Variants in NCAM1 observed in about 807,000 individuals in gnomAD.
NCAM1 encodes the protein neural cell adhesion molecule 1, also known as antigen recognized by monoclonal antibody 5.1H11.
Under a neutral mutation model 109.8 loss-of-function variants are expected in NCAM1, and 14 were observed. That is an observed-to-expected ratio of 0.13 (90% confidence interval 0.08 to 0.20). NCAM1 has a LOEUF of 0.20. Among genes scored for constraint, NCAM1 ranks in the 10% least tolerant of loss-of-function variants. The pLI is 1.00. For missense variants in NCAM1, 774 were observed against 1,109.9 expected (o/e 0.70, Z 4.30); for synonymous variants, 418 against 442.9 (o/e 0.94, Z 0.70).
intron 1 of NCAM1, among the ~76,000 whole-genome samples, chr11:113,030,240 G>A (rs1952674234): frequency 1.3e-5 from 2 of 152,158 alleles, no homozygotes; most frequent in Non-Finnish European, 2.9e-5. Context: ...CACTAAACAA[G>A]TGCTTGTTAT....
intron 1 of NCAM1, among the ~76,000 whole-genome samples, chr11:113,039,290 C>T (rs1350776941): frequency 2.0e-5 from 3 of 152,180 alleles, no homozygotes; most frequent in Non-Finnish European, 2.9e-5. Context: ...TACTCCTTTA[C>T]TTATTAATGT....
rs1477198283 is a variant in NCAM1, at chr11:113,276,581, A to G, written c.*1194A>G. ...ACATCCCCTTTGTGTAGAAAGCCAA[A>G]TAAAATCTATACATACCATTTCCTT... is the stretch of plus-strand genomic sequence containing the variant. On this transcript the variant is annotated 3_prime_UTR_variant, in exon 20 of 20. Coordinates refer to ENST00000316851, the MANE Select transcript of NCAM1 (RefSeq NM_181351.5). 3 of 152,674 alleles carry G rather than the reference A, an allele frequency of 2.0e-5. No individual in the cohort carries two copies. The highest frequency in any genetic ancestry group is 7.2e-5 in the African/African-American group (3 of 41,460). 9.5% of individuals were successfully genotyped at this position (152,674 alleles called of 1,614,324 possible).
At chr11:113,040,001 C>T (rs571187448) in intron 1 of NCAM1, among the ~76,000 whole-genome samples, 13 of 152,062 alleles carry the variant, frequency 8.5e-5, no homozygotes, top group African/African-American at 2.9e-4. Context: ...CTTATCCGGG[C>T]GTGGTGGCAT....
rs117175312 is a variant in NCAM1 at position 113,253,845 on chromosome 11, C to T, written c.1829-2032C>T. 9.0e-3 allele frequency among the ~76,000 whole-genome samples: 1,376 copies of T among 152,304 alleles called. 21 individuals are homozygous for T. The highest frequency in any genetic ancestry group is 0.011 in the Non-Finnish European group (744 of 68,026). On this transcript the variant is annotated intron_variant, in intron 15 of 19. Coordinates refer to ENST00000316851, the MANE Select transcript of NCAM1 (RefSeq NM_181351.5). ...AAAGTTAAAATAATTTGTTCATTTG[C>T]AGTAGGTCTAGGGTCATCAACCATT... is the stretch of plus-strand genomic sequence containing the variant.
At chr11:113,068,035 C>T (rs1321268171) in intron 1 of NCAM1, among the ~76,000 whole-genome samples, 3 of 151,872 alleles carry the variant, frequency 2.0e-5, no homozygotes, top group Non-Finnish European at 2.9e-5. Context: ...CTCAGCCTCC[C>T]GAGTAGCTGG....
intron 8 of NCAM1, among the ~76,000 whole-genome samples, chr11:113,219,306 G>C (rs192410736): frequency 5.9e-5 from 9 of 152,270 alleles, no homozygotes; most frequent in Admixed American, 5.9e-4. Context: ...TACAAACCCA[G>C]GGCCCGCTTT....
intron 1 of NCAM1, among the ~76,000 whole-genome samples, chr11:112,976,750 T>C (rs1408341509): frequency 4.6e-5 from 7 of 152,004 alleles, no homozygotes; most frequent in Non-Finnish European, 1.0e-4. Flanking sequence ...TTGATCTATA[T>C]ATATTTTTGA....
Position 113,207,830 on chromosome 11 carries a change from T to C in NCAM1, c.747-3T>C. ...TGCTACTTTGCATTTCTACATGCTC[T>C]AGGGATGGGGAACAGATAGAGCAAG... On this transcript the variant is annotated splice_region_variant and splice_polypyrimidine_tract_variant and intron_variant, in intron 6 of 19. Transcript: ENST00000316851. 6.2e-7 allele frequency: 1 copy of C among 1,608,718 alleles called. No homozygotes were observed.
intron 7 of NCAM1, 66 bp from the exon 8 acceptor site, chr11:113,214,303 T>C (rs1944465984): frequency 6.5e-7 from 1 of 1,546,594 alleles, no homozygotes; most frequent in Admixed American, 1.8e-5. Flanking sequence ...GATAGGTGCA[T>C]GCCATCATTT....
intron 1 of NCAM1, among the ~76,000 whole-genome samples, chr11:113,044,211 T>G (rs1953182712): frequency 1.3e-5 from 2 of 152,206 alleles, no homozygotes; most frequent in African/African-American, 4.8e-5. Context: ...TGAACAACTT[T>G]GGACCCATAA....
At position 113,084,860 on chromosome 11, in the gene NCAM1, T is replaced by C. The variant is rs534643484; in HGVS notation, c.53-117519T>C. On this transcript the variant is annotated intron_variant, in intron 1 of 19. Coordinates refer to ENST00000316851, the MANE Select transcript of NCAM1 (RefSeq NM_181351.5). Reference sequence around the variant, plus strand: ...TGTTAACTACCCAGTAGTGTCCTTGTGAGAATGAAATGAATTAATCCACAC... The same window carrying C: ...TGTTAACTACCCAGTAGTGTCCTTGCGAGAATGAAATGAATTAATCCACAC... 2.0e-5 allele frequency among the ~76,000 whole-genome samples: 3 copies of C among 152,310 alleles called. No homozygotes were observed. In the South Asian group the frequency reaches 6.2e-4, roughly 32 times the overall value.
chr11:113,274,360 C>A lies in NCAM1; in HGVS notation c.2457-907C>A, dbSNP rs1393529014. On this transcript the variant is annotated intron_variant, in intron 19 of 19. Transcript: ENST00000316851. The surrounding 1 kb of genome is among the most constrained non-coding windows in gnomAD (Gnocchi z 4.1). ...TGGGTCTCAAAGTTCAAGAGAAAGG[C>A]CTTAACCTTTCAGGTTTGTAAGTGT... Among the ~76,000 whole-genome samples the A allele has an allele frequency of 6.6e-6, 1 of 152,208 alleles. No individual in the cohort carries two copies. The highest frequency in any genetic ancestry group is 1.5e-5 in the Non-Finnish European group (1 of 68,048).
chr11:113,240,953 G>T lies in NCAM1; in HGVS notation c.1826-5415G>T, dbSNP rs782515818. On this transcript the variant is annotated intron_variant, in intron 14 of 19. Transcript: ENST00000316851. ...TTCAACTCAGTTGGTGGAAAGCAGCGTCGGGTTTTAGAGGAGCAGTTGAGA... is the reference window on the plus strand; with the variant it reads ...TTCAACTCAGTTGGTGGAAAGCAGCTTCGGGTTTTAGAGGAGCAGTTGAGA... 162 of 1,083,974 alleles carry T rather than the reference G, an allele frequency of 1.5e-4. 1 individual carries two copies. The highest frequency in any genetic ancestry group is 2.2e-4 in the Non-Finnish European group (154 of 711,022). The allele number at this position is 1,083,974 out of a possible 1,614,324, so 67.1% of individuals were successfully genotyped here. A position where few individuals can be genotyped will look rare whatever the true frequency, so the allele number is the denominator to read the frequency against.
At chr11:112,987,698 A>G (rs1316889498) in intron 1 of NCAM1, among the ~76,000 whole-genome samples, 1 of 152,046 alleles carries the variant, frequency 6.6e-6, no homozygotes, top group African/African-American at 2.4e-5. Context: ...TCTGATGTTA[A>G]TATAGCTACC....
chr11:113,208,744 GT>G, intron 7 of NCAM1, among the ~76,000 whole-genome samples: 1 of 152,096 alleles, frequency 6.6e-6, no homozygotes, highest in East Asian at 1.9e-4. Context: ...TTGCATATTT[GT>G]TTTGGGGATT....
chr11:113,121,408 A>G (rs1940951059), intron 1 of NCAM1, among the ~76,000 whole-genome samples: 1 of 151,324 alleles, frequency 6.6e-6, no homozygotes, highest in Non-Finnish European at 1.5e-5. Flanking sequence ...TTTGGTAAAG[A>G]TGGGATTTCA....
intron 1 of NCAM1, among the ~76,000 whole-genome samples, chr11:113,139,630 T>C (rs1555100051): frequency 6.6e-6 from 1 of 152,182 alleles, no homozygotes; most frequent in African/African-American, 2.4e-5. Flanking sequence ...GCTAAAGTAT[T>C]TGGTATACTA....
intron 1 of NCAM1, among the ~76,000 whole-genome samples, chr11:113,069,121 T>TA (rs1938134461): frequency 6.6e-6 from 1 of 152,208 alleles, no homozygotes; most frequent in African/African-American, 2.4e-5. Context: ...TCCAAGGCTG[T>TA]AGAGTCACCT....
chr11:113,031,402 C>G (rs1952710094), intron 1 of NCAM1, among the ~76,000 whole-genome samples: 2 of 152,148 alleles, frequency 1.3e-5, no homozygotes, highest in African/African-American at 4.8e-5. Context: ...ACTAAATAGA[C>G]CGTAGAAGGC....
Sources: allele counts gnomAD v4.1 joint callset (sites outside exome capture counted in the v4.1 genomes callset), GRCh38; gene constraint gnomAD v4.1.1; non-coding constraint Gnocchi (gnomAD v3.1); transcripts MANE v1.5; gene names NCBI Gene and HGNC (gene_info 2026-07-23, HGNC 2026-07-21).